Variants in GPCPD1 observed in about 807,000 individuals in gnomAD.
GPCPD1 encodes glycerophosphocholine phosphodiesterase 1, also known as glycerophosphocholine phosphodiesterase GPCPD1.
Under a neutral mutation model 89.2 loss-of-function variants are expected in GPCPD1, and 29 were observed. The observed-to-expected ratio is 0.33, with a 90% CI of 0.24 to 0.44. The LOEUF is 0.44. GPCPD1 is among the 20% of genes least tolerant of loss of function. The probability of loss-of-function intolerance (pLI) is 1.00; values close to 1 mark genes in which losing one functional copy is unlikely to be tolerated. For synonymous variants in GPCPD1, 258 were observed against 266.3 expected, an observed-to-expected ratio of 0.97 and a Z score of 0.30; for missense variants, 594 against 808.9, an observed-to-expected ratio of 0.73 and a Z score of 3.22.
In GPCPD1 at chr20:5,556,495, C is replaced by T. The variant is rs189704690; in HGVS notation, c.1829+1450G>A. ...CTGGGATTACAGGCGTGAGCCACTG[C>T]GCCCGGCCTAAACATAACATTTATA... is the stretch of plus-strand genomic sequence containing the variant. On this transcript the variant is annotated intron_variant, in intron 19 of 19. Coordinates refer to ENST00000379019, the MANE Select transcript of GPCPD1 (RefSeq NM_019593.5). Among the ~76,000 whole-genome samples the T allele has an allele frequency of 2.0e-3, 307 of 152,294 alleles. 3 individuals are homozygous for T. Among genetic ancestry groups the T allele is most frequent in the Non-Finnish European group, 1.7e-3 (114 of 68,028 alleles).
In GPCPD1 at chr20:5,565,052, A is replaced by C. The variant is rs761174805; in HGVS notation, c.1294T>G (p.Phe432Val). The C allele has an allele frequency of 6.4e-7, 1 of 1,555,056 alleles. No homozygotes were observed. The highest frequency in any genetic ancestry group is 1.1e-5 in the South Asian group (1 of 89,696). ...GAAGGAAATGGCTGATTTTCTGAAAAGGAATTTTCCTCCTGAACCACAGAT... is the reference window on the plus strand; with the variant it reads ...GAAGGAAATGGCTGATTTTCTGAAACGGAATTTTCCTCCTGAACCACAGAT... The part of the protein sequence containing the change: ...KESVVQEENS[F>V]SENQPFPSLK... The change falls in exon 15 of 20, where the codon TTT (phenylalanine) becomes GTT (valine). Residue 432 changes from phenylalanine to valine, a missense_variant. Transcript: ENST00000379019.
chr20:5,600,471 T>C (rs527847675), intron 2 of GPCPD1, among the ~76,000 whole-genome samples: 1 of 152,128 alleles, frequency 6.6e-6, no homozygotes. Context: ...GGTGGATCAC[T>C]TGAGGTCAGG....
chr20:5,557,861 A>T (rs1208114695), intron 19 of GPCPD1, 84 bp downstream of exon 19: 2 of 769,512 alleles, frequency 2.6e-6, no homozygotes, highest in South Asian at 2.0e-5. Flanking sequence ...TTTTAACTTA[A>T]CTAAGTTTAA....
At chr20:5,564,339 A>AC (rs1022201751) in intron 15 of GPCPD1, among the ~76,000 whole-genome samples, 11 of 151,184 alleles carry the variant, frequency 7.3e-5, no homozygotes, top group Admixed American at 2.6e-4. Flanking sequence ...AAAAAAAAAA[A>AC]ACCAAAAACT....
chr20:5,548,608 C>T (rs1415552958), intron 19 of GPCPD1, among the ~76,000 whole-genome samples: 2 of 152,210 alleles, frequency 1.3e-5, no homozygotes. Flanking sequence ...CATCTAACTT[C>T]GTTCTCTCCC....
At chr20:5,591,025 A>G (rs543269363) in intron 4 of GPCPD1, among the ~76,000 whole-genome samples, 1 of 152,214 alleles carries the variant, frequency 6.6e-6, no homozygotes, top group Admixed American at 6.5e-5. Flanking sequence ...ACAGAAAAAA[A>G]AAAGTTGAAA....
rs1055725081 is a variant in GPCPD1 at position 5,545,474 on chromosome 20, A to C, written c.*2187T>G. On this transcript the variant is annotated 3_prime_UTR_variant, in exon 20 of 20. Transcript: ENST00000379019. ...CTTCCTGAAGTTTCCACAAGGGCTC[A>C]GGAGAGAGGTCTTGGGCACAAGAAG... 1 of 152,234 alleles carries C rather than the reference A, an allele frequency of 6.6e-6. No individual in the cohort carries two copies. Among genetic ancestry groups the C allele is most frequent in the Non-Finnish European group, 1.5e-5 (1 of 68,118 alleles). The allele number at this position is 152,234 out of a possible 1,614,324, so 9.4% of individuals were successfully genotyped here.
At chr20:5,548,410 T>C (rs951251306) in intron 19 of GPCPD1, 1 of 152,448 alleles carries the variant, frequency 6.6e-6, no homozygotes. Flanking sequence ...CAGGCAACTA[T>C]GTAAGGCAGT....
intron 1 of GPCPD1, among the ~76,000 whole-genome samples, chr20:5,608,287 T>C (rs543497202): frequency 2.0e-5 from 3 of 152,150 alleles, no homozygotes; most frequent in Admixed American, 6.6e-5. Context: ...CAAAGCTATA[T>C]ACACAAGCAC....
At chr20:5,609,618 G>A (rs912281857) in intron 1 of GPCPD1, among the ~76,000 whole-genome samples, 3 of 152,066 alleles carry the variant, frequency 2.0e-5, no homozygotes, top group African/African-American at 7.2e-5. Context: ...CGTACTTTAT[G>A]TACGTATCAA....
At chr20:5,570,686 C>T (rs1986668361) in intron 11 of GPCPD1, among the ~76,000 whole-genome samples, 1 of 152,104 alleles carries the variant, frequency 6.6e-6, no homozygotes, top group Non-Finnish European at 1.5e-5. Flanking sequence ...CCTTAGGGCA[C>T]CTGAGCAGTC....
At chr20:5,556,367 G>A (rs1353112189) in intron 19 of GPCPD1, among the ~76,000 whole-genome samples, 3 of 152,020 alleles carry the variant, frequency 2.0e-5, no homozygotes, top group Admixed American at 6.6e-5. Flanking sequence ...CACCACACCC[G>A]GCTAATTTTT....
intron 11 of GPCPD1, among the ~76,000 whole-genome samples, chr20:5,573,378 G>C (rs1986828126): frequency 1.3e-5 from 2 of 152,086 alleles, no homozygotes; most frequent in South Asian, 4.1e-4. Context: ...CAGCCACTGT[G>C]CCCAGCCAGC....
chr20:5,575,439 A>T lies in GPCPD1; in HGVS notation c.975T>A (p.Gly325=). 1 of 1,609,920 alleles carries T rather than the reference A, an allele frequency of 6.2e-7. No homozygotes were observed. Among genetic ancestry groups the T allele is most frequent in the East Asian group, 2.2e-5 (1 of 44,838 alleles). Residue 325 remains glycine, a synonymous_variant, in exon 10 of 20, where the codon GGT becomes GGA. Transcript: ENST00000379019. Reference sequence around the variant, plus strand: ...GGGCAGTTGTTGTAGAGTTTCCTGCACCTCGATGGCCAACATCCAATGGTA... The same window carrying T: ...GGGCAGTTGTTGTAGAGTTTCCTGCTCCTCGATGGCCAACATCCAATGGTA... ...PRIPLDVGHR[G]AGNSTTTAQL... is the part of the protein sequence containing the mutation.
Position 5,547,533 on chromosome 20 carries a change from T to A in GPCPD1, c.*128A>T, listed in dbSNP as rs1180722336. 5.8e-6 allele frequency: 3 copies of A among 521,596 alleles called. No individual in the cohort carries two copies. Among genetic ancestry groups the A allele is most frequent in the Non-Finnish European group, 1.0e-5 (3 of 286,624 alleles). 32.3% of individuals were successfully genotyped at this position (521,596 alleles called of 1,614,324 possible). A position where few individuals can be genotyped will look rare whatever the true frequency, so the allele number is the denominator to read the frequency against. On this transcript the variant is annotated 3_prime_UTR_variant, in exon 20 of 20. Coordinates refer to ENST00000379019, the MANE Select transcript of GPCPD1 (RefSeq NM_019593.5). ...CTTGCAAGAACTGTAGTGAAAGAGT[T>A]AAATACTTCATTATTGCTTCATTGA...
intron 12 of GPCPD1, among the ~76,000 whole-genome samples, chr20:5,569,566 C>A (rs1986591797): frequency 6.6e-6 from 1 of 151,986 alleles, no homozygotes; most frequent in Admixed American, 6.6e-5. Context: ...GCTTACCTTT[C>A]CTGTAGCCCA....
intron 1 of GPCPD1, among the ~76,000 whole-genome samples, chr20:5,610,387 G>A (rs1568686784): frequency 1.3e-5 from 2 of 152,126 alleles, no homozygotes; most frequent in African/African-American, 4.8e-5. Flanking sequence ...ATAAGCAGTT[G>A]TCAAAACACG....
At position 5,578,420 on chromosome 20, in the gene GPCPD1, A is replaced by C. The variant is rs979406970; in HGVS notation, c.665T>G (p.Met222Arg). 5 of 1,613,710 alleles carry C rather than the reference A, an allele frequency of 3.1e-6. No individual in the cohort carries two copies. The highest frequency in any genetic ancestry group is 4.2e-6 in the Non-Finnish European group (5 of 1,179,684). Residue 222 changes from methionine to arginine, a missense_variant, in exon 8 of 20, where the codon ATG (methionine) becomes AGG (arginine). Met to Arg is a moderately conservative substitution (Grantham distance 91). Transcript: ENST00000379019. ...DRWTEYSIQT[M>R]EPDNLELIFD... ...GATTAGTTCCAGGTTATCTGGTTCCATCGTCTGTATGCTGTACTCTGTCCA... is the reference window on the plus strand; with the variant it reads ...GATTAGTTCCAGGTTATCTGGTTCCCTCGTCTGTATGCTGTACTCTGTCCA...
chr20:5,569,579 T>C (rs1015647163), intron 12 of GPCPD1, among the ~76,000 whole-genome samples: 10 of 152,020 alleles, frequency 6.6e-5, no homozygotes, highest in African/African-American at 2.2e-4. Context: ...GTAGCCCACA[T>C]TGCTGCTCGC....
Sources: allele counts gnomAD v4.1 joint callset (sites outside exome capture counted in the v4.1 genomes callset), GRCh38; gene constraint gnomAD v4.1.1; transcripts MANE v1.5; gene names NCBI Gene and HGNC (gene_info 2026-07-23, HGNC 2026-07-21).